Variants in HEMK2 observed in about 807,000 individuals in gnomAD.
HEMK2 encodes methyltransferase HEMK2.
chr21:28,670,388 T>C, the HEMK2 span, among the ~76,000 whole-genome samples: 1 of 152,162 alleles, frequency 6.6e-6, no homozygotes, highest in Non-Finnish European at 1.5e-5. Flanking sequence ...CAACCAAACA[T>C]TTAGCCATGT....
chr21:28,834,212 G>A, the HEMK2 span, among the ~76,000 whole-genome samples: 1 of 152,174 alleles, frequency 6.6e-6, no homozygotes, highest in Non-Finnish European at 1.5e-5. Flanking sequence ...GTCTTGCATT[G>A]TGAATTTTAG....
chr21:28,631,869 C>T, the HEMK2 span, among the ~76,000 whole-genome samples: 1 of 151,754 alleles, frequency 6.6e-6, no homozygotes, highest in Non-Finnish European at 1.5e-5. Flanking sequence ...GTTGCCCTGT[C>T]CACATACAAC....
the HEMK2 span, among the ~76,000 whole-genome samples, chr21:28,686,052 A>G: frequency 6.6e-6 from 1 of 152,152 alleles, no homozygotes; most frequent in Non-Finnish European, 1.5e-5. Context: ...GCTATTAGAA[A>G]CTATATTAGT....
the HEMK2 span, among the ~76,000 whole-genome samples, chr21:28,729,882 A>G: frequency 3.3e-5 from 5 of 152,158 alleles, no homozygotes; most frequent in Non-Finnish European, 7.3e-5. Context: ...TTCTAATTAA[A>G]AAATAATTGG....
At chr21:28,577,296 C>A in the HEMK2 span, 1 of 152,170 alleles carries the variant, frequency 6.6e-6, no homozygotes, top group Non-Finnish European at 1.5e-5. Flanking sequence ...CTTCTTCTTT[C>A]CTCAGCATCT....
At chr21:28,740,928 G>A in the HEMK2 span, among the ~76,000 whole-genome samples, 1 of 138,476 alleles carries the variant, frequency 7.2e-6, no homozygotes, top group Admixed American at 7.4e-5. Flanking sequence ...ATTATGTAAT[G>A]CATTTTTTTG....
At chr21:28,706,388 T>C in the HEMK2 span, among the ~76,000 whole-genome samples, 2 of 152,214 alleles carry the variant, frequency 1.3e-5, no homozygotes, top group Non-Finnish European at 2.9e-5. Flanking sequence ...ATGGTCCTTA[T>C]CGGGCCTCAA....
the HEMK2 span, among the ~76,000 whole-genome samples, chr21:28,617,851 T>C: frequency 2.0e-5 from 3 of 151,772 alleles, no homozygotes; most frequent in African/African-American, 7.3e-5. Context: ...TGCAGTGGCA[T>C]GATCATGGCT....
chr21:28,584,751 T>G, the HEMK2 span, among the ~76,000 whole-genome samples: 1 of 152,010 alleles, frequency 6.6e-6, no homozygotes, highest in African/African-American at 2.4e-5. Context: ...CAACCCTATG[T>G]AAAGCTGGGG....
chr21:28,629,808 G>A, the HEMK2 span, among the ~76,000 whole-genome samples: 4 of 152,148 alleles, frequency 2.6e-5, no homozygotes, highest in Non-Finnish European at 5.9e-5. Context: ...GCAGGGGCCT[G>A]GAAGGCATAT....
the HEMK2 span, among the ~76,000 whole-genome samples, chr21:28,762,822 C>A: frequency 6.6e-6 from 1 of 152,084 alleles, no homozygotes; most frequent in Non-Finnish European, 1.5e-5. Flanking sequence ...GAACTGTGAG[C>A]TGAATAAACT....
chr21:28,675,924 C>T, the HEMK2 span, among the ~76,000 whole-genome samples: 18 of 152,294 alleles, frequency 1.2e-4, no homozygotes, highest in Admixed American at 1.1e-3. Context: ...TTATGAAGTT[C>T]TTTCTTCTCT....
At chr21:28,805,033 T>A in the HEMK2 span, among the ~76,000 whole-genome samples, 4 of 152,340 alleles carry the variant, frequency 2.6e-5, no homozygotes, top group African/African-American at 9.6e-5. Context: ...GGAATCTGTG[T>A]TTTAACAAAA....
the HEMK2 span, among the ~76,000 whole-genome samples, chr21:28,797,939 G>T: frequency 6.6e-6 from 1 of 152,040 alleles, no homozygotes. Flanking sequence ...TATCTGCATG[G>T]CTGGACTTAC....
At chr21:28,751,677 T>A in the HEMK2 span, among the ~76,000 whole-genome samples, 2 of 152,138 alleles carry the variant, frequency 1.3e-5, no homozygotes, top group Non-Finnish European at 2.9e-5. Flanking sequence ...CAAAAGTTTT[T>A]TGTTTGTTTG....
the HEMK2 span, among the ~76,000 whole-genome samples, chr21:28,727,268 C>A: frequency 1.2e-3 from 188 of 152,298 alleles, 2 homozygotes; most frequent in African/African-American, 3.6e-3. Context: ...AGGACACCCA[C>A]ACATTTACAT....
chr21:28,613,575 T>A, the HEMK2 span, among the ~76,000 whole-genome samples: 22 of 148,826 alleles, frequency 1.5e-4, no homozygotes, highest in Admixed American at 1.3e-3. Flanking sequence ...CTTCTCAGGA[T>A]CCTCACTATT....
chr21:28,792,357 G>C, the HEMK2 span, among the ~76,000 whole-genome samples: 2 of 152,012 alleles, frequency 1.3e-5, no homozygotes, highest in African/African-American at 4.8e-5. Flanking sequence ...GTGTGGACTT[G>C]TCCCAAATTC....
chr21:28,717,553 C>T, the HEMK2 span, among the ~76,000 whole-genome samples: 7 of 146,070 alleles, frequency 4.8e-5, no homozygotes, highest in South Asian at 6.4e-4. Context: ...GCTCTCGGCT[C>T]ACAGCAACAT....
Sources: gnomAD v4.1 joint callset for allele counts (sites outside exome capture counted in the v4.1 genomes callset) on GRCh38, gnomAD v4.1.1 for gene constraint, MANE v1.5 for transcripts, NCBI Gene and HGNC (gene_info 2026-07-23, HGNC 2026-07-21) for gene names.